The following ZNF671 variants were observed in gnomAD, a reference collection of about 807,000 sequenced individuals.
The protein encoded by ZNF671 is hypothetical protein FLJ23506.
Under a neutral mutation model 16.6 loss-of-function variants are expected in ZNF671, and 19 were observed. That is an observed-to-expected ratio of 1.14 (90% CI 0.80 to 1.68). The LOEUF (loss-of-function observed/expected upper bound fraction) is 1.68. ZNF671 is among the 40% of genes most tolerant of loss of function. The probability of loss-of-function intolerance (pLI) is 0.00; values close to 1 mark genes in which losing one functional copy is unlikely to be tolerated. For synonymous variants in ZNF671, 238 were observed against 236.3 expected (o/e 1.01, Z -0.06); for missense variants, 637 against 659.8 (o/e 0.97, Z 0.38).
In ZNF671 at chr19:57,721,146, CAT is replaced by C. The variant is rs1318036422; in HGVS notation, c.938_939del (p.Tyr313Ter). The part of the protein sequence containing the change: ...HQRIHTGERP[Y>X]ECNECGKFFS... ...AAGAATTTCCCACATTCGTTACACT[CAT>C]AAGGCCTTTCTCCAGTGTGGATTCT... On this transcript the variant is annotated frameshift_variant, in exon 4 of 4. Transcript: ENST00000317398. LOFTEE classifies it low-confidence loss of function (END_TRUNC). 3 of 1,614,038 alleles carry C rather than the reference CAT, an allele frequency of 1.9e-6. No homozygotes were observed. The African/African-American group carries it at 4.0e-5, about 22-fold the overall frequency.
At chr19:57,721,987 C>A in intron 3 of ZNF671, 1 of 555,098 alleles carries the variant, frequency 1.8e-6, no homozygotes. Context: ...TGTATCCAGT[C>A]CCAGGAAAAT....
intron 3 of ZNF671, 61 bp downstream of exon 3, chr19:57,722,255 G>T: frequency 6.2e-7 from 1 of 1,604,262 alleles, no homozygotes; most frequent in Middle Eastern, 2.0e-4. Context: ...GATGTGAACA[G>T]TTAATGTTGC....
chr19:57,724,522 T>G (rs1267149899), intron 1 of ZNF671, among the ~76,000 whole-genome samples: 1 of 142,374 alleles, frequency 7.0e-6, no homozygotes, highest in East Asian at 2.2e-4. Context: ...AGAAGACACA[T>G]AACAATTTTT....
At chr19:57,726,087 CCCG>C (rs1986037046) in intron 1 of ZNF671, among the ~76,000 whole-genome samples, 1 of 139,622 alleles carries the variant, frequency 7.2e-6, no homozygotes, top group Non-Finnish European at 1.6e-5. Flanking sequence ...CCCCCACTCC[CCCG>C]CCCCCACCCC....
chr19:57,720,368 C>T lies in ZNF671; in HGVS notation c.*113G>A. The T allele has an allele frequency of 2.1e-6, 3 of 1,431,810 alleles. No homozygotes were observed. Among genetic ancestry groups the T allele is most frequent in the Non-Finnish European group, 2.8e-6 (3 of 1,064,378 alleles). The allele number at this position is 1,431,810 out of a possible 1,614,324, so 88.7% of individuals were successfully genotyped here. ...TTCCCAATGGCGGGTAAGGTTCAGCCTCCAGGGGAAGGCTTTCCTGCATCT... is the reference window on the plus strand; with the variant it reads ...TTCCCAATGGCGGGTAAGGTTCAGCTTCCAGGGGAAGGCTTTCCTGCATCT... On this transcript the variant is annotated 3_prime_UTR_variant, in exon 4 of 4. Transcript: ENST00000317398.
intron 1 of ZNF671, among the ~76,000 whole-genome samples, chr19:57,725,282 C>T (rs961294839): frequency 6.8e-6 from 1 of 147,512 alleles, no homozygotes; most frequent in Non-Finnish European, 1.5e-5. Context: ...TGGCCAACAT[C>T]GTGAAACCCC....
In ZNF671 at chr19:57,721,261, C is replaced by A; in HGVS notation, c.825G>T (p.Val275=). 6.3e-7 allele frequency: 1 copy of A among 1,592,978 alleles called. No individual in the cohort carries two copies. Among genetic ancestry groups the A allele is most frequent in the Non-Finnish European group, 8.6e-7 (1 of 1,167,860 alleles). Residue 275 remains valine, a synonymous_variant, in exon 4 of 4, where the codon GTG becomes GTT. Transcript: ENST00000317398. ...ACCTCTGTCCCATGAGAAAGCCACT[C>A]ACAAGCTTAGTGCTCTTGTGGGGCT... ...SMKPHKSTKL[V]SGFLMGQRYH... is the part of the protein sequence containing the mutation.
chr19:57,722,170 G>T (rs200659417), intron 3 of ZNF671, 146 bp downstream of exon 3: 3 of 1,319,568 alleles, frequency 2.3e-6, no homozygotes, highest in East Asian at 2.3e-5. Flanking sequence ...AACTAGAAAT[G>T]ATATATCTTC....
rs921554796 is a variant in ZNF671 at position 57,723,285 on chromosome 19, A to T, written c.194T>A (p.Leu65His). ...CAAAAGTCTCTGAGCATCATCAAGAAGCTCCCATTCTTCCCGAGAGAAGTA... is the reference window on the plus strand; with the variant it reads ...CAAAAGTCTCTGAGCATCATCAAGATGCTCCCATTCTTCCCGAGAGAAGTA... Reference protein sequence around the residue: ...FVYFSREEWELLDDAQRLLYH... With the variant: ...FVYFSREEWEHLDDAQRLLYH... The change falls in exon 2 of 4, where the codon CTT becomes CAT. Residue 65 changes from leucine (L) to histidine (H), a missense_variant. By Grantham distance (99) the Leu-to-His change is moderately conservative. Coordinates refer to ENST00000317398, the MANE Select transcript of ZNF671 (RefSeq NM_024833.3). 3 of 1,613,716 alleles carry T rather than the reference A, an allele frequency of 1.9e-6. No homozygotes were observed. The highest frequency in any genetic ancestry group is 2.5e-6 in the Non-Finnish European group (3 of 1,179,822).
rs780219116 is a variant in ZNF671 at position 57,723,271 on chromosome 19, G to A, written c.208C>T (p.Gln70Ter). The A allele has an allele frequency of 6.2e-7, 1 of 1,613,822 alleles. No individual in the cohort carries two copies. ...REEWELLDDA[Q>*]RLLYHDVMLE... Reference sequence around the variant, plus strand: ...ATCACATCATGGTACAAAAGTCTCTGAGCATCATCAAGAAGCTCCCATTCT... The same window carrying A: ...ATCACATCATGGTACAAAAGTCTCTAAGCATCATCAAGAAGCTCCCATTCT... Residue 70 changes from glutamine (Q) to a stop codon, truncating the protein, a stop_gained, in exon 2 of 4, where the codon CAG (glutamine) becomes TAG (stop). Coordinates refer to ENST00000317398, the MANE Select transcript of ZNF671 (RefSeq NM_024833.3). LOFTEE classifies it high-confidence loss of function.
rs747594790 is a variant in ZNF671 at position 57,727,412 on chromosome 19, C to T, written c.117G>A (p.Ala39=). 6 of 1,606,424 alleles carry T rather than the reference C, an allele frequency of 3.7e-6. No homozygotes were observed. In the African/African-American group the frequency reaches 4.0e-5, roughly 11 times the overall value. The change falls in exon 1 of 4, where the codon GCG becomes GCA. Residue 39 remains alanine, a synonymous_variant. Transcript: ENST00000317398. The stretch of plus-strand genomic sequence containing the variant: ...CCACCCGCGCGGAGTCCGTTAGCTC[C>T]GCCATAGGACCGTGGGCGCGGACAG... The part of the protein sequence containing the change: ...PAAVRAHGPM[A]ELTDSARGCV...
Position 57,721,129 on chromosome 19 carries a change from C to T in ZNF671, c.957G>A (p.Gly319=), listed in dbSNP as rs111746019. ...GERPYECNEC[G]KFFSQSYDLF... Reference sequence around the variant, plus strand: ...GGTCATAGCTTTGGCTGAAGAATTTCCCACATTCGTTACACTCATAAGGCC... The same window carrying T: ...GGTCATAGCTTTGGCTGAAGAATTTTCCACATTCGTTACACTCATAAGGCC... Residue 319 remains glycine (G), a synonymous_variant, in exon 4 of 4, where the codon GGG becomes GGA. Transcript: ENST00000317398. The T allele has an allele frequency of 6.2e-7, 1 of 1,614,022 alleles. No individual in the cohort carries two copies. Among genetic ancestry groups the T allele is most frequent in the Admixed American group, 1.7e-5 (1 of 60,000 alleles).
rs1227606907 is a variant in ZNF671 at position 57,721,685 on chromosome 19, C to G, written c.401G>C (p.Gly134Ala). The G allele has an allele frequency of 1.2e-6, 2 of 1,611,880 alleles. No individual in the cohort carries two copies. The highest frequency in any genetic ancestry group is 1.7e-6 in the Non-Finnish European group (2 of 1,178,282). The change falls in exon 4 of 4, where the codon GGA (glycine) becomes GCA (alanine). Residue 134 changes from glycine to alanine, a missense_variant. Transcript: ENST00000317398. ...AGAAGATACCTCTTCATCCTCCACT[C>G]CATGCCAACAACCTGAAGAACACAC... The part of the protein sequence containing the change: ...QRGLRPGCWH[G>A]VEDEEVSSEQ...
Position 57,721,371 on chromosome 19 carries a change from T to C in ZNF671, c.715A>G (p.Lys239Glu), listed in dbSNP as rs777379991. The C allele has an allele frequency of 1.2e-6, 2 of 1,613,926 alleles. No individual in the cohort carries two copies. Among genetic ancestry groups the C allele is most frequent in the East Asian group, 4.5e-5 (2 of 44,870 alleles). The change falls in exon 4 of 4, where the codon AAG becomes GAG. Residue 239 changes from lysine to glutamate, a missense_variant. Lys to Glu is a moderately conservative substitution (Grantham distance 56, BLOSUM62 1). Coordinates refer to ENST00000317398, the MANE Select transcript of ZNF671 (RefSeq NM_024833.3). ...VKSCRVHVPE[K>E]TLTCGKGRRD... The stretch of plus-strand genomic sequence containing the variant: ...CTACCTTTCCCACATGTGAGGGTCT[T>C]CTCTGGCACATGGACTCTGCAGCTT...
At chr19:57,723,363 G>A in intron 1 of ZNF671, 23 bp from the exon 2 acceptor site, 1 of 1,583,834 alleles carries the variant, frequency 6.3e-7, no homozygotes, top group Non-Finnish European at 8.6e-7. Flanking sequence ...GGACAGGAAG[G>A]ACCATAAAAA....
intron 3 of ZNF671, chr19:57,721,968 T>C: frequency 1.8e-6 from 1 of 564,678 alleles, no homozygotes; most frequent in South Asian, 2.5e-5. Context: ...TCGTGAGTGC[T>C]ATGAAAAATG....
chr19:57,722,474 T>C, intron 2 of ZNF671, 36 bp from the exon 3 acceptor site: 1 of 1,609,252 alleles, frequency 6.2e-7, no homozygotes, highest in Non-Finnish European at 8.5e-7. Flanking sequence ...CAGCCAGCAC[T>C]GGCCCATGGC....
At position 57,723,232 on chromosome 19, in the gene ZNF671, C is replaced by T; in HGVS notation, c.247G>A (p.Ala83Thr). 1 of 1,612,358 alleles carries T rather than the reference C, an allele frequency of 6.2e-7. No individual in the cohort carries two copies. The highest frequency in any genetic ancestry group is 8.5e-7 in the Non-Finnish European group (1 of 1,179,032). Residue 83 changes from alanine (A) to threonine (T), a missense_variant, in exon 2 of 4, where the codon GCA (alanine) becomes ACA (threonine). Coordinates refer to ENST00000317398, the MANE Select transcript of ZNF671 (RefSeq NM_024833.3). ...LYHDVMLENF[A>T]LLASLGIAFS... Reference sequence around the variant, plus strand: ...ACCTTACCCAGTGAGGCTAAAAGTGCAAAGTTCTCCAGCATCACATCATGG... The same window carrying T: ...ACCTTACCCAGTGAGGCTAAAAGTGTAAAGTTCTCCAGCATCACATCATGG...
chr19:57,723,384 C>A, intron 1 of ZNF671, 44 bp from the exon 2 acceptor site: 1 of 1,563,434 alleles, frequency 6.4e-7, no homozygotes, highest in South Asian at 1.2e-5. Flanking sequence ...GTCTCTTGAC[C>A]AATGATCCCC....
Sources: allele counts gnomAD v4.1 joint callset (sites outside exome capture counted in the v4.1 genomes callset), GRCh38; gene constraint gnomAD v4.1.1; transcripts MANE v1.5; gene names NCBI Gene and HGNC (gene_info 2026-07-23, HGNC 2026-07-21).